Variants in WASHC4 observed in about 807,000 individuals in gnomAD.
WASHC4 encodes WASH complex subunit 7.
Under a neutral mutation model 166.6 loss-of-function variants are expected in WASHC4, and 86 were observed. That is an observed-to-expected ratio of 0.52 (90% CI 0.43 to 0.62). The LOEUF is 0.62. Among genes scored for constraint, WASHC4 ranks in the 20% least tolerant of loss-of-function variants. The pLI is 0.00. For missense variants in WASHC4, 1,262 were observed against 1,382.4 expected (o/e 0.91, Z 1.38); for synonymous variants, 446 against 451.6 (o/e 0.99, Z 0.16).
chr12:105,165,841 T>C (rs1355522552), intron 32 of WASHC4, among the ~76,000 whole-genome samples: 2 of 152,204 alleles, frequency 1.3e-5, no homozygotes, highest in Admixed American at 6.5e-5. Context: ...AGCTTATTAA[T>C]CTGGAAGACA....
At chr12:105,121,409 G>C (rs1880730742) in intron 9 of WASHC4, among the ~76,000 whole-genome samples, 1 of 152,182 alleles carries the variant, frequency 6.6e-6, no homozygotes, top group South Asian at 2.1e-4. Context: ...TAATACATCT[G>C]TATAAAGCAT....
Position 105,126,019 on chromosome 12 carries a change from C to G in WASHC4, c.802C>G (p.Gln268Glu). The G allele has an allele frequency of 6.2e-7, 1 of 1,612,302 alleles. No individual in the cohort carries two copies. The highest frequency in any genetic ancestry group is 8.5e-7 in the Non-Finnish European group (1 of 1,178,778). Residue 268 changes from glutamine to glutamate, a missense_variant, in exon 11 of 33, where the codon CAA becomes GAA. Coordinates refer to ENST00000332180, the MANE Select transcript of WASHC4 (RefSeq NM_015275.3). ...TCCTGTCTAGGCCTGTATAGAACAACAATTTGATTCTCTCAATGGAGGAGT... is the reference window on the plus strand; with the variant it reads ...TCCTGTCTAGGCCTGTATAGAACAAGAATTTGATTCTCTCAATGGAGGAGT... ...GMIFQACIEQQFDSLNGGVSV... is the reference protein window; with the variant it reads ...GMIFQACIEQEFDSLNGGVSV...
At chr12:105,109,895 C>T (rs1423919348) in intron 1 of WASHC4, among the ~76,000 whole-genome samples, 5 of 152,104 alleles carry the variant, frequency 3.3e-5, no homozygotes, top group Non-Finnish European at 1.5e-5. Context: ...GCCACCATGC[C>T]CGGCCTAGCA....
In WASHC4 at chr12:105,111,281, T is replaced by G; in HGVS notation, c.201+17T>G. Reference sequence around the variant, plus strand: ...GCATTAAAGGTTTGATTTGATTTTTTAAAAATATATGTATATATTTTCTGG... The same window carrying G: ...GCATTAAAGGTTTGATTTGATTTTTGAAAAATATATGTATATATTTTCTGG... On this transcript the variant is annotated intron_variant, in intron 2 of 32. Transcript: ENST00000332180. 6.6e-7 allele frequency: 1 copy of G among 1,523,518 alleles called. No individual in the cohort carries two copies. Among genetic ancestry groups the G allele is most frequent in the Non-Finnish European group, 9.1e-7 (1 of 1,104,048 alleles). The allele number at this position is 1,523,518 out of a possible 1,614,324, so 94.4% of individuals were successfully genotyped here. A position where few individuals can be genotyped will look rare whatever the true frequency, so the allele number is the denominator to read the frequency against.
chr12:105,143,798 A>G (rs1319152588), intron 20 of WASHC4, among the ~76,000 whole-genome samples: 1 of 151,988 alleles, frequency 6.6e-6, no homozygotes, highest in Non-Finnish European at 1.5e-5. Flanking sequence ...ATATAATCCT[A>G]CCTGGGTTTG....
chr12:105,144,443 A>G lies in WASHC4; in HGVS notation c.2167A>G (p.Ile723Val), dbSNP rs763613247. The change falls in exon 21 of 33, where the codon ATT becomes GTT. Residue 723 changes from isoleucine (I) to valine (V), a missense_variant. Ile to Val is a conservative substitution (Grantham distance 29). Transcript: ENST00000332180. ...TCCAATTCGGTTTTTCAATCGTTTC[A>G]TTGACATTCGGGGTGAGTGTTTTGC... ...LNPIRFFNRF[I>V]DIRAYVTHYL... The G allele has an allele frequency of 1.9e-6, 3 of 1,610,768 alleles. No homozygotes were observed. Among genetic ancestry groups the G allele is most frequent in the South Asian group, 1.1e-5 (1 of 90,998 alleles).
rs372604617 is a variant in WASHC4, at chr12:105,164,103, G to T, written c.3158-8G>T. ...GTAATTTAACCTTAGTTTTGCTTAT[G>T]CCTGCAGGTGTGGCTTACATTCTAA... On this transcript the variant is annotated splice_region_variant and splice_polypyrimidine_tract_variant and intron_variant, in intron 30 of 32. Coordinates refer to ENST00000332180, the MANE Select transcript of WASHC4 (RefSeq NM_015275.3). 7.1e-4 allele frequency: 1,149 copies of T among 1,613,914 alleles called. 1 individual carries two copies. The highest frequency in any genetic ancestry group is 9.3e-4 in the Non-Finnish European group (1,092 of 1,179,810).
Position 105,167,848 on chromosome 12 carries a change from G to C in WASHC4, c.*917G>C, listed in dbSNP as rs2135852655. 6.6e-6 allele frequency: 1 copy of C among 152,308 alleles called. No individual in the cohort carries two copies. Among genetic ancestry groups the C allele is most frequent in the Non-Finnish European group, 1.5e-5 (1 of 67,878 alleles). 9.4% of individuals were successfully genotyped at this position (152,308 alleles called of 1,614,324 possible). A position where few individuals can be genotyped will look rare whatever the true frequency, so the allele number is the denominator to read the frequency against. On this transcript the variant is annotated 3_prime_UTR_variant, in exon 33 of 33. Transcript: ENST00000332180. The stretch of plus-strand genomic sequence containing the variant: ...CAGATTAAATAATTACACTGTTCAG[G>C]CTTTTAAAAAAATACCACTGTGAGA...
intron 10 of WASHC4, among the ~76,000 whole-genome samples, chr12:105,123,083 G>T (rs1592855685): frequency 6.6e-6 from 1 of 152,234 alleles, no homozygotes; most frequent in African/African-American, 2.4e-5. Flanking sequence ...GGGAGGCCAG[G>T]CACGCAGATC....
rs527599953 is a variant in WASHC4 at position 105,142,376 on chromosome 12, G to A, written c.1788-77G>A. 3.4e-5 allele frequency: 28 copies of A among 830,172 alleles called. No individual in the cohort carries two copies. The East Asian group carries it at 6.4e-4, about 19-fold the overall frequency. The allele number at this position is 830,172 out of a possible 1,614,324, so 51.4% of individuals were successfully genotyped here. Reference sequence around the variant, plus strand: ...TGTGTAAGATGGAACTCTTCCTTCTGTAGTAGATGTCATTCCTTTCATATT... The same window carrying A: ...TGTGTAAGATGGAACTCTTCCTTCTATAGTAGATGTCATTCCTTTCATATT... On this transcript the variant is annotated intron_variant, in intron 18 of 32. Coordinates refer to ENST00000332180, the MANE Select transcript of WASHC4 (RefSeq NM_015275.3).
chr12:105,139,839 G>A (rs916497256), intron 15 of WASHC4, among the ~76,000 whole-genome samples: 4 of 151,184 alleles, frequency 2.6e-5, no homozygotes, highest in African/African-American at 9.7e-5. Context: ...ATGAACAGAA[G>A]TGCTTAGTTT....
intron 24 of WASHC4, chr12:105,147,561 G>A: frequency 1.0e-6 from 1 of 1,000,956 alleles, no homozygotes; most frequent in Non-Finnish European, 1.2e-6. Flanking sequence ...CTAATTATTT[G>A]ATGTCCATAT....
chr12:105,146,957 A>G, intron 23 of WASHC4, 85 bp from the exon 24 acceptor site: 1 of 781,344 alleles, frequency 1.3e-6, no homozygotes, highest in Admixed American at 1.8e-5. Flanking sequence ...AATGAAATAG[A>G]TTCTAAAATT....
chr12:105,121,498 G>A (rs1030991501), intron 9 of WASHC4, among the ~76,000 whole-genome samples: 2 of 152,006 alleles, frequency 1.3e-5, no homozygotes, highest in East Asian at 1.9e-4. Flanking sequence ...TTCTATTCAG[G>A]TGACAGTTTT....
intron 1 of WASHC4, 89 bp downstream of exon 1, chr12:105,107,950 G>A: frequency 1.0e-6 from 1 of 968,426 alleles, no homozygotes; most frequent in Non-Finnish European, 1.6e-6. Context: ...CGAGAGGGAC[G>A]GCTGCGCAGC....
At position 105,155,161 on chromosome 12, in the gene WASHC4, T is replaced by C. The variant is rs1028527512; in HGVS notation, c.2759-1565T>C. 2.6e-5 allele frequency: 4 copies of C among 152,256 alleles called. No homozygotes were observed. In the East Asian group the frequency reaches 5.8e-4, roughly 22 times the overall value. The allele number at this position is 152,256 out of a possible 1,614,324, so 9.4% of individuals were successfully genotyped here. ...GTGAAGAAGACAAAGGCTGTACTCA[T>C]GGATCTTGAACTCTAGGTGGGGGAA... On this transcript the variant is annotated intron_variant, in intron 26 of 32. Transcript: ENST00000332180.
chr12:105,161,780 G>A (rs539532279), intron 29 of WASHC4, among the ~76,000 whole-genome samples: 21 of 152,254 alleles, frequency 1.4e-4, no homozygotes, highest in Non-Finnish European at 2.1e-4. Context: ...TGTTTCCAGC[G>A]TAGGCTATTA....
At chr12:105,136,046 G>A (rs1488370691) in intron 14 of WASHC4, among the ~76,000 whole-genome samples, 2 of 152,052 alleles carry the variant, frequency 1.3e-5, no homozygotes, top group East Asian at 1.9e-4. Context: ...AGTCTAGGAC[G>A]GTTAGCAACC....
Position 105,167,314 on chromosome 12 carries a change from C to A in WASHC4, c.*383C>A, listed in dbSNP as rs919982274. The A allele has an allele frequency of 4.5e-5, 10 of 222,484 alleles. No homozygotes were observed. The highest frequency in any genetic ancestry group is 2.3e-4 in the African/African-American group (10 of 43,320). The allele number at this position is 222,484 out of a possible 1,614,324, so 13.8% of individuals were successfully genotyped here. On this transcript the variant is annotated 3_prime_UTR_variant, in exon 33 of 33. Coordinates refer to ENST00000332180, the MANE Select transcript of WASHC4 (RefSeq NM_015275.3). ...ATTTCAAGTCATGGGAAATTCAATG[C>A]ATATACTATATACAGCCAGTAAATA... is the stretch of plus-strand genomic sequence containing the variant.
Sources: gnomAD v4.1 joint callset for allele counts (sites outside exome capture counted in the v4.1 genomes callset) on GRCh38, gnomAD v4.1.1 for gene constraint, MANE v1.5 for transcripts, NCBI Gene and HGNC (gene_info 2026-07-23, HGNC 2026-07-21) for gene names.